RIMS2: variants seen among roughly 807,000 people sequenced by gnomAD.
RIMS2 encodes the protein regulating synaptic membrane exocytosis protein 2.
Under a neutral mutation model 174.4 loss-of-function variants are expected in RIMS2, and 59 were observed. The ratio of observed to expected loss-of-function variants is 0.34; its 90% confidence interval spans 0.27 to 0.42. The LOEUF is 0.42. RIMS2 is among the 10% of genes least tolerant of loss of function. The pLI, the probability that RIMS2 is intolerant of heterozygous loss-of-function variation, is 1.00. For missense variants in RIMS2, 1,620 were observed against 1,666.3 expected (o/e 0.97, Z 0.48); for synonymous variants, 606 against 572.5 (o/e 1.06, Z -0.84).
At chr8:103,632,731 ATTTTTTTTTTTT>A (rs61579273) in intron 1 of RIMS2, among the ~76,000 whole-genome samples, 11 of 70,416 alleles carry the variant, frequency 1.6e-4, no homozygotes, top group African/African-American at 6.8e-4. Flanking sequence ...ATATTTATTG[ATTTTTTTTTTTT>A]TTTTTTTTTT....
chr8:103,727,728 G>A (rs1282909215), intron 2 of RIMS2, among the ~76,000 whole-genome samples: 3 of 152,116 alleles, frequency 2.0e-5, no homozygotes, highest in Non-Finnish European at 4.4e-5. Context: ...TGGCACCTTT[G>A]TCAAAAATAA....
At chr8:104,151,599 G>C (rs937068953) in intron 19 of RIMS2, among the ~76,000 whole-genome samples, 3 of 151,534 alleles carry the variant, frequency 2.0e-5, no homozygotes, top group Non-Finnish European at 4.4e-5. Context: ...AAAAAAAAGA[G>C]ATGTTGGGGA....
At chr8:104,059,043 G>A (rs1293675681) in intron 19 of RIMS2, among the ~76,000 whole-genome samples, 1 of 151,486 alleles carries the variant, frequency 6.6e-6, no homozygotes, top group Non-Finnish European at 1.5e-5. Flanking sequence ...GATTGACTTG[G>A]TGATGTGGGC....
rs915796499 is a variant in RIMS2, at chr8:103,549,368, C to T, written c.176+48306C>T. On this transcript the variant is annotated intron_variant, in intron 1 of 23. Transcript: ENST00000504942. Reference sequence around the variant, plus strand: ...ACCCAGAATTTCATATCGAGCCAAACTAAGCTTCATAAGTGCAGGAGAAAC... The same window carrying T: ...ACCCAGAATTTCATATCGAGCCAAATTAAGCTTCATAAGTGCAGGAGAAAC... 4.6e-5 allele frequency among the ~76,000 whole-genome samples: 7 copies of T among 152,242 alleles called. No individual in the cohort carries two copies. The South Asian group carries it at 1.4e-3, about 32-fold the overall frequency.
intron 3 of RIMS2, among the ~76,000 whole-genome samples, chr8:103,808,811 T>G (rs1422022554): frequency 6.6e-6 from 1 of 152,168 alleles, no homozygotes; most frequent in Non-Finnish European, 1.5e-5. Context: ...CCAGGCCAAC[T>G]AAAATCTTGC....
At chr8:103,756,830 G>A (rs2098018696) in intron 2 of RIMS2, among the ~76,000 whole-genome samples, 1 of 152,104 alleles carries the variant, frequency 6.6e-6, no homozygotes, top group Admixed American at 6.6e-5. Flanking sequence ...ATCATGATTT[G>A]ATCCAGGAAA....
At chr8:103,863,904 T>G (rs934633798) in intron 3 of RIMS2, among the ~76,000 whole-genome samples, 5 of 121,008 alleles carry the variant, frequency 4.1e-5, no homozygotes, top group East Asian at 2.0e-4. Flanking sequence ...TTTTTGTTTT[T>G]TTTGTTTGTT....
intron 5 of RIMS2, among the ~76,000 whole-genome samples, chr8:103,910,735 G>A (rs2075506661): frequency 6.6e-6 from 1 of 152,048 alleles, no homozygotes; most frequent in African/African-American, 2.4e-5. Flanking sequence ...TGTTTTTATT[G>A]TTTGACGGCA....
At chr8:103,660,472 G>A (rs16870614) in intron 1 of RIMS2, among the ~76,000 whole-genome samples, 26,858 of 152,124 alleles carry the variant, frequency 0.18, 2,556 homozygotes, top group African/African-American at 0.24. Flanking sequence ...AAGGAGCCAA[G>A]GACCTCAGGG....
intron 3 of RIMS2, among the ~76,000 whole-genome samples, chr8:103,794,504 A>G (rs1445944102): frequency 1.3e-5 from 2 of 152,204 alleles, no homozygotes; most frequent in African/African-American, 2.4e-5. Context: ...AGGCAATACC[A>G]TTCAGGACAT....
intron 19 of RIMS2, among the ~76,000 whole-genome samples, chr8:104,190,935 GT>G (rs57373743): frequency 0.5 from 71,550 of 144,398 alleles, 17,709 homozygotes; most frequent in East Asian, 0.67. Context: ...CTCTTTTTTT[GT>G]TTTTTTTTTT....
intron 1 of RIMS2, among the ~76,000 whole-genome samples, chr8:103,606,545 C>T (rs1375259113): frequency 6.6e-6 from 1 of 152,112 alleles, no homozygotes; most frequent in Non-Finnish European, 1.5e-5. Context: ...GGTTCAATTC[C>T]TGGGTATCCC....
intron 2 of RIMS2, among the ~76,000 whole-genome samples, chr8:103,746,381 A>G (rs768797459): frequency 3.9e-5 from 6 of 152,164 alleles, no homozygotes; most frequent in Non-Finnish European, 5.9e-5. Context: ...TCTGAATTGT[A>G]TAAGAGGTCT....
chr8:103,562,746 C>G (rs112611559), intron 1 of RIMS2, among the ~76,000 whole-genome samples: 3 of 152,286 alleles, frequency 2.0e-5, no homozygotes, highest in African/African-American at 7.2e-5. Flanking sequence ...CTCCACTGCC[C>G]TAACAGAGGT....
At chr8:103,645,355 A>G (rs1211555070) in intron 1 of RIMS2, among the ~76,000 whole-genome samples, 1 of 152,158 alleles carries the variant, frequency 6.6e-6, no homozygotes, top group East Asian at 1.9e-4. Flanking sequence ...TTAATATAGA[A>G]ATAGATACCA....
At chr8:104,054,788 G>A (rs1173429732) in intron 19 of RIMS2, among the ~76,000 whole-genome samples, 1 of 151,794 alleles carries the variant, frequency 6.6e-6, no homozygotes. Context: ...TTCTCTGTAG[G>A]TTTGCACAAT....
intron 17 of RIMS2, among the ~76,000 whole-genome samples, chr8:103,992,488 C>T (rs1411564826): frequency 6.6e-6 from 1 of 151,626 alleles, no homozygotes; most frequent in Non-Finnish European, 1.5e-5. Context: ...GAATGTAGGG[C>T]ATGAATTGGA....
At chr8:103,942,466 T>A (rs564595306) in intron 13 of RIMS2, among the ~76,000 whole-genome samples, 4 of 152,298 alleles carry the variant, frequency 2.6e-5, no homozygotes, top group African/African-American at 9.6e-5. Context: ...ATATTAGTTA[T>A]TATTACAGTC....
At chr8:104,013,571 G>A (rs2095822846) in exon 18 of RIMS2, 1 of 1,613,670 alleles carries the variant, frequency 6.2e-7, no homozygotes, top group African/African-American at 1.3e-5. Context: ...TGAGGTCGAT[G>A]CCTTCATTAA....
Sources: gnomAD v4.1 joint callset for allele counts (sites outside exome capture counted in the v4.1 genomes callset) on GRCh38, gnomAD v4.1.1 for gene constraint, MANE v1.5 for transcripts, NCBI Gene and HGNC (gene_info 2026-07-23, HGNC 2026-07-21) for gene names.